The following ZNFX1 variants were observed in gnomAD, a reference collection of about 807,000 sequenced individuals.
ZNFX1 encodes zinc finger NFX1-type containing 1, also known as NFX1-type zinc finger-containing protein 1.
In ZNFX1, 78 loss-of-function variants were observed where a neutral mutation model predicts 179.8. The observed-to-expected ratio is 0.43, with a 90% CI of 0.36 to 0.52. ZNFX1 has a LOEUF of 0.52. Among genes scored for constraint, ZNFX1 ranks in the 20% least tolerant of loss-of-function variants. The probability of loss-of-function intolerance (pLI) is 0.00; values close to 1 mark genes in which losing one functional copy is unlikely to be tolerated. For missense variants in ZNFX1, 1,927 were observed against 2,386.6 expected (o/e 0.81, Z 4.01); for synonymous variants, 848 against 868.5 (o/e 0.98, Z 0.42).
Position 49,266,209 on chromosome 20 carries a change from CA to C in ZNFX1, c.1927del (p.Trp643GlyfsTer47). On this transcript the variant is annotated frameshift_variant, in exon 4 of 14. Coordinates refer to ENST00000396105, the MANE Select transcript of ZNFX1 (RefSeq NM_021035.3). LOFTEE classifies it high-confidence loss of function. Reference sequence around the variant, plus strand: ...GGGGAACTTCTGGAGGCTAATTTGCCAAACAGACTCGTTGGTTAGGAGGGCC... The same window carrying C: ...GGGGAACTTCTGGAGGCTAATTTGCCAACAGACTCGTTGGTTAGGAGGGCC... The part of the protein sequence containing the change: ...VQALLTNESV[W>X]QISLQKFPIL... 1 of 1,612,910 alleles carries C rather than the reference CA, an allele frequency of 6.2e-7. No homozygotes were observed. Among genetic ancestry groups the C allele is most frequent in the Non-Finnish European group, 8.5e-7 (1 of 1,179,560 alleles).
Position 49,252,785 on chromosome 20 carries a change from G to A in ZNFX1, c.3151C>T (p.Leu1051Phe). The change falls in exon 12 of 14, where the codon CTT becomes TTT. Residue 1051 changes from leucine to phenylalanine, a missense_variant. Physicochemically the swap from Leu to Phe is conservative, Grantham distance 22. Transcript: ENST00000396105. Reference sequence around the variant, plus strand: ...AGCCGTTCAAAAAGGGACACCTCAAGGTTGAAGTTCTTGGCCAGATCATAC... The same window carrying A: ...AGCCGTTCAAAAAGGGACACCTCAAAGTTGAAGTTCTTGGCCAGATCATAC... ...NVYDLAKNFN[L>F]EVSLFERLVK... The A allele has an allele frequency of 1.2e-6, 2 of 1,614,146 alleles. No homozygotes were observed. Among genetic ancestry groups the A allele is most frequent in the Non-Finnish European group, 1.7e-6 (2 of 1,180,022 alleles).
In ZNFX1 at chr20:49,275,589, G is replaced by A. The variant is rs531231509; in HGVS notation, c.61+190C>T. ...CCAGGCTGGTCTCAATCCCCTGGGC[G>A]TAAACAATCCTCCCGCCTCAGGCTC... is the stretch of plus-strand genomic sequence containing the variant. On this transcript the variant is annotated intron_variant, in intron 2 of 13. Transcript: ENST00000396105. Among the ~76,000 whole-genome samples, 8 of 152,194 alleles carry A rather than the reference G, an allele frequency of 5.3e-5. No homozygotes were observed. In the East Asian group the frequency reaches 1.2e-3, roughly 22 times the overall value.
rs1980667965 is a variant in ZNFX1 at position 49,246,234 on chromosome 20, A to G, written c.*1033T>C. 1 of 152,374 alleles carries G rather than the reference A, an allele frequency of 6.6e-6. No individual in the cohort carries two copies. Among genetic ancestry groups the G allele is most frequent in the Admixed American group, 6.5e-5 (1 of 15,274 alleles). The allele number at this position is 152,374 out of a possible 1,614,324, so 9.4% of individuals were successfully genotyped here. A position where few individuals can be genotyped will look rare whatever the true frequency, so the allele number is the denominator to read the frequency against. ...CTCCATTCAGGGCCCAGGGGTAACC[A>G]GCAGTGCCACCAAACCTGTCAGCAG... On this transcript the variant is annotated 3_prime_UTR_variant, in exon 14 of 14. Coordinates refer to ENST00000396105, the MANE Select transcript of ZNFX1 (RefSeq NM_021035.3).
intron 3 of ZNFX1, among the ~76,000 whole-genome samples, chr20:49,266,512 C>T (rs1336675549): frequency 6.6e-6 from 1 of 152,132 alleles, no homozygotes; most frequent in African/African-American, 2.4e-5. Context: ...CATATACAAA[C>T]AATACAAATG....
intron 6 of ZNFX1, among the ~76,000 whole-genome samples, chr20:49,261,343 C>A (rs970239278): frequency 6.6e-6 from 1 of 152,060 alleles, no homozygotes; most frequent in African/African-American, 2.4e-5. Context: ...ATAAAGAAAA[C>A]GTGGTACATA....
Position 49,271,722 on chromosome 20 carries a change from T to A in ZNFX1, c.90A>T (p.Arg30Ser). The change falls in exon 3 of 14, where the codon AGA becomes AGT. Residue 30 changes from arginine (R) to serine (S), a missense_variant. Transcript: ENST00000396105. ...RGPVDGELPPRARNQANNPPA... is the reference protein window; with the variant it reads ...RGPVDGELPPSARNQANNPPA... ...GTGGGTTATTGGCCTGATTTCTAGC[T>A]CTTGGTGGTAACTCTCCATCCACAG... 5 of 1,613,350 alleles carry A rather than the reference T, an allele frequency of 3.1e-6. No homozygotes were observed. The highest frequency in any genetic ancestry group is 4.2e-6 in the Non-Finnish European group (5 of 1,179,612).
At chr20:49,251,860 A>T (rs1399350033) in intron 12 of ZNFX1, among the ~76,000 whole-genome samples, 46 of 116,502 alleles carry the variant, frequency 3.9e-4, no homozygotes, top group Non-Finnish European at 4.9e-4. Flanking sequence ...TTTTTTTTTG[A>T]GACGTGTCAC....
At chr20:49,264,115 A>T (rs1300402877) in intron 5 of ZNFX1, among the ~76,000 whole-genome samples, 1 of 152,112 alleles carries the variant, frequency 6.6e-6, no homozygotes, top group Non-Finnish European at 1.5e-5. Flanking sequence ...CCAGCTACTC[A>T]GGAGGCTGAG....
At chr20:49,252,613 A>G in intron 12 of ZNFX1, 107 bp downstream of exon 12, 1 of 690,694 alleles carries the variant, frequency 1.4e-6, no homozygotes, top group South Asian at 1.8e-5. Flanking sequence ...GAGTCATTTC[A>G]GTATTAAATT....
chr20:49,262,318 A>C (rs1471012625), intron 6 of ZNFX1, among the ~76,000 whole-genome samples: 1 of 151,602 alleles, frequency 6.6e-6, no homozygotes, highest in East Asian at 2.0e-4. Context: ...AGGTAAGAGA[A>C]TCGCTTGAAC....
chr20:49,275,037 G>C (rs1555884150), intron 2 of ZNFX1, among the ~76,000 whole-genome samples: 1 of 150,334 alleles, frequency 6.7e-6, no homozygotes, highest in African/African-American at 2.4e-5. Flanking sequence ...GCAGGAGAAT[G>C]GCGTGAACCC....
Position 49,277,453 on chromosome 20 carries a change from C to T in ZNFX1, c.-49+568G>A, listed in dbSNP as rs1387871905. Among the ~76,000 whole-genome samples the T allele has an allele frequency of 2.1e-5, 3 of 140,152 alleles. No individual in the cohort carries two copies. The East Asian group carries it at 6.3e-4, about 30-fold the overall frequency. 91.9% of individuals were successfully genotyped at this position (140,152 alleles called of 152,430 possible). A position where few individuals can be genotyped will look rare whatever the true frequency, so the allele number is the denominator to read the frequency against. ...GCAGGCTGAAGGGGGTGCCGAGGTG[C>T]TCTGTAGAAGAGGGGGATTGATAAG... On this transcript the variant is annotated intron_variant, in intron 1 of 13. Coordinates refer to ENST00000396105, the MANE Select transcript of ZNFX1 (RefSeq NM_021035.3).
chr20:49,249,139 G>A lies in ZNFX1; in HGVS notation c.3885C>T (p.Arg1295=), dbSNP rs1465374462. ...EGGCSLPCEF[R]LGCGHVCTRA... ...GGGTGCAGACATGCCCACAGCCCAGGCGGAACTCGCAGGGCAGGCTGCAGC... is the reference window on the plus strand; with the variant it reads ...GGGTGCAGACATGCCCACAGCCCAGACGGAACTCGCAGGGCAGGCTGCAGC... The change falls in exon 14 of 14, where the codon CGC becomes CGT. Residue 1295 remains arginine, a synonymous_variant. Coordinates refer to ENST00000396105, the MANE Select transcript of ZNFX1 (RefSeq NM_021035.3). 6.2e-7 allele frequency: 1 copy of A among 1,614,106 alleles called. No homozygotes were observed. Among genetic ancestry groups the A allele is most frequent in the Non-Finnish European group, 8.5e-7 (1 of 1,180,052 alleles).
At chr20:49,264,672 G>C in intron 5 of ZNFX1, 44 bp downstream of exon 5, 1 of 1,603,078 alleles carries the variant, frequency 6.2e-7, no homozygotes, top group Non-Finnish European at 8.5e-7. Flanking sequence ...ATCTTGTTTA[G>C]GTCCCTCTTG....
chr20:49,275,447 A>AGG (rs1981532217), intron 2 of ZNFX1, among the ~76,000 whole-genome samples: 1 of 152,112 alleles, frequency 6.6e-6, no homozygotes, highest in South Asian at 2.1e-4. Context: ...CTGAGGTTCA[A>AGG]GGGATCCTCC....
At chr20:49,255,276 C>T (rs543646973) in intron 9 of ZNFX1, among the ~76,000 whole-genome samples, 20 of 152,038 alleles carry the variant, frequency 1.3e-4, no homozygotes, top group African/African-American at 4.8e-4. Flanking sequence ...ATCTCCTGAC[C>T]TTGTGATCCG....
At chr20:49,250,747 TCAC>T (rs1980815208) in intron 13 of ZNFX1, among the ~76,000 whole-genome samples, 1 of 152,114 alleles carries the variant, frequency 6.6e-6, no homozygotes, top group African/African-American at 2.4e-5. Context: ...AGACGGGGTT[TCAC>T]CATGTTGGCC....
intron 13 of ZNFX1, among the ~76,000 whole-genome samples, chr20:49,250,003 C>T (rs1980797903): frequency 1.3e-5 from 2 of 152,010 alleles, no homozygotes; most frequent in African/African-American, 4.8e-5. Context: ...GTCTGTAATC[C>T]CAGCACTTTG....
chr20:49,252,774 G>C lies in ZNFX1; in HGVS notation c.3162C>G (p.Ser1054=). ...DLAKNFNLEV[S]LFERLVKVNI... ...TTACTTTCACTAGCCGTTCAAAAAG[G>C]GACACCTCAAGGTTGAAGTTCTTGG... The change falls in exon 12 of 14, where the codon TCC becomes TCG. Residue 1054 remains serine (S), a synonymous_variant. Transcript: ENST00000396105. 1.2e-6 allele frequency: 2 copies of C among 1,614,118 alleles called. No individual in the cohort carries two copies. The highest frequency in any genetic ancestry group is 1.7e-6 in the Non-Finnish European group (2 of 1,180,016).
Sources: allele counts gnomAD v4.1 joint callset (sites outside exome capture counted in the v4.1 genomes callset), GRCh38; gene constraint gnomAD v4.1.1; transcripts MANE v1.5; gene names NCBI Gene and HGNC (gene_info 2026-07-23, HGNC 2026-07-21).